LRRC8E: variants seen among roughly 807,000 people sequenced by gnomAD.
LRRC8E encodes leucine rich repeat containing 8 VRAC subunit E.
In LRRC8E, 6 loss-of-function variants were observed where a neutral mutation model predicts 6.1. The ratio of observed to expected loss-of-function variants is 0.98; its 90% CI spans 0.54 to 1.93. The LOEUF is 1.93. Ranked by LOEUF, LRRC8E falls within the 30% of genes most tolerant of loss-of-function variation. The pLI, the probability that LRRC8E is intolerant of heterozygous loss-of-function variation, is 0.01. For missense variants in LRRC8E, 1,028 were observed against 1,031.4 expected (o/e 1.00, Z 0.04); for synonymous variants, 485 against 472.8 (o/e 1.03, Z -0.33).
In LRRC8E at chr19:7,899,311, G is replaced by C. The variant is rs754821697; in HGVS notation, c.789G>C (p.Val263=). The C allele has an allele frequency of 6.3e-5, 102 of 1,614,128 alleles. No individual in the cohort carries two copies. The highest frequency in any genetic ancestry group is 8.5e-5 in the Non-Finnish European group (100 of 1,180,052). ...TMYIRQTVLK[V]CKFLAILVYN... ...ACATCCGACAGACGGTGCTGAAAGT[G>C]TGTAAGTTCCTGGCCATCCTGGTCT... Residue 263 remains valine (V), a synonymous_variant, in exon 3 of 3, where the codon GTG becomes GTC. Transcript: ENST00000306708.
rs764830656 is a variant in LRRC8E, at chr19:7,899,360, A to T, written c.838A>T (p.Ile280Phe). 1 of 1,614,082 alleles carries T rather than the reference A, an allele frequency of 6.2e-7. No homozygotes were observed. ...CTACAACCTGGTCTATGTGGAGAAG[A>T]TCAGTTTCCTGGTGGCCTGTAGGGT... Reference protein sequence around the residue: ...LVYNLVYVEKISFLVACRVET... With the variant: ...LVYNLVYVEKFSFLVACRVET... Residue 280 changes from isoleucine to phenylalanine, a missense_variant, in exon 3 of 3, where the codon ATC becomes TTC. Transcript: ENST00000306708.
At chr19:7,891,488 C>G (rs979548413) in intron 1 of LRRC8E, among the ~76,000 whole-genome samples, 6 of 151,472 alleles carry the variant, frequency 4.0e-5, no homozygotes, top group Non-Finnish European at 7.4e-5. Context: ...GGAGCTTACA[C>G]CAGGGTGGCA....
In LRRC8E at chr19:7,900,213, G is replaced by C; in HGVS notation, c.1691G>C (p.Ser564Thr). The change falls in exon 3 of 3, where the codon AGC becomes ACC. Residue 564 changes from serine to threonine, a missense_variant. By Grantham distance (58) the Ser-to-Thr change is moderately conservative. Coordinates refer to ENST00000306708, the MANE Select transcript of LRRC8E (RefSeq NM_025061.6). This position sits in a 1 kb window ranked among gnomAD's most constrained non-coding sequence, Gnocchi z 5.0. ...TDVAGHLQRLSLHNDGARLVA... is the reference protein window; with the variant it reads ...TDVAGHLQRLTLHNDGARLVA... ...GTTGCTGGCCACCTGCAGAGGCTCAGCCTGCACAACGATGGGGCCCGTCTG... is the reference window on the plus strand; with the variant it reads ...GTTGCTGGCCACCTGCAGAGGCTCACCCTGCACAACGATGGGGCCCGTCTG... 3 of 1,613,196 alleles carry C rather than the reference G, an allele frequency of 1.9e-6. No individual in the cohort carries two copies. In the South Asian group the frequency reaches 3.3e-5, roughly 18 times the overall value.
Position 7,895,536 on chromosome 19 carries a change from C to G in LRRC8E, c.-5-63C>G. The G allele has an allele frequency of 6.3e-7, 1 of 1,577,534 alleles. No individual in the cohort carries two copies. The highest frequency in any genetic ancestry group is 8.7e-7 in the Non-Finnish European group (1 of 1,152,248). On this transcript the variant is annotated intron_variant, in intron 1 of 2. Transcript: ENST00000306708. The surrounding 1 kb of genome is among the most constrained non-coding windows in gnomAD (Gnocchi z 4.7). ...CCTGTGTCCGGCTCCTCGGAGGACC[C>G]CCTGCAGAGCCTCCCATCCTGAGGG...
At position 7,898,689 on chromosome 19, in the gene LRRC8E, C is replaced by T. The variant is rs1429107872; in HGVS notation, c.167C>T (p.Pro56Leu). The T allele has an allele frequency of 1.2e-6, 2 of 1,611,578 alleles. No individual in the cohort carries two copies. Among genetic ancestry groups the T allele is most frequent in the Non-Finnish European group, 1.7e-6 (2 of 1,178,416 alleles). Residue 56 changes from proline to leucine, a missense_variant, in exon 3 of 3, where the codon CCC becomes CTC. Transcript: ENST00000306708. ...ACACAGGACAAGATCATCTGTCTAC[C>T]CAATCATGAGCTCCAGGAGAACTTA... ...QVTQDKIICL[P>L]NHELQENLSE...
At position 7,895,536 on chromosome 19, in the gene LRRC8E, C is replaced by T; in HGVS notation, c.-5-63C>T. 3.8e-6 allele frequency: 6 copies of T among 1,577,534 alleles called. No homozygotes were observed. Among genetic ancestry groups the T allele is most frequent in the South Asian group, 2.3e-5 (2 of 88,426 alleles). On this transcript the variant is annotated intron_variant, in intron 1 of 2. Coordinates refer to ENST00000306708, the MANE Select transcript of LRRC8E (RefSeq NM_025061.6). The surrounding 1 kb of genome is among the most constrained non-coding windows in gnomAD (Gnocchi z 4.7). The stretch of plus-strand genomic sequence containing the variant: ...CCTGTGTCCGGCTCCTCGGAGGACC[C>T]CCTGCAGAGCCTCCCATCCTGAGGG...
chr19:7,898,559 A>G, intron 2 of LRRC8E, 102 bp from the exon 3 acceptor site: 1 of 1,004,608 alleles, frequency 1.0e-6, no homozygotes, highest in Non-Finnish European at 1.5e-6. Flanking sequence ...GGGTTTCACC[A>G]CGTTGGCCAG....
chr19:7,900,754 C>A lies in LRRC8E; in HGVS notation c.2232C>A (p.Leu744=). The change falls in exon 3 of 3, where the codon CTC becomes CTA. Residue 744 remains leucine (L), a synonymous_variant. Coordinates refer to ENST00000306708, the MANE Select transcript of LRRC8E (RefSeq NM_025061.6). This position sits in a 1 kb window ranked among gnomAD's most constrained non-coding sequence, Gnocchi z 5.0. ...AGCTCTCGCCCCACGTGGGTGCCCT[C>A]AGAGCCCTCAGCCGCCTGGAGCTCA... ...LSQLSPHVGA[L]RALSRLELKG... is the part of the protein sequence containing the mutation. 1 of 1,611,778 alleles carries A rather than the reference C, an allele frequency of 6.2e-7. No individual in the cohort carries two copies. Among genetic ancestry groups the A allele is most frequent in the Non-Finnish European group, 8.5e-7 (1 of 1,179,012 alleles).
Position 7,900,665 on chromosome 19 carries a change from C to T in LRRC8E, c.2143C>T (p.Pro715Ser), listed in dbSNP as rs1486524127. 1.2e-6 allele frequency: 2 copies of T among 1,613,438 alleles called. No individual in the cohort carries two copies. Among genetic ancestry groups the T allele is most frequent in the Non-Finnish European group, 1.7e-6 (2 of 1,180,030 alleles). The change falls in exon 3 of 3, where the codon CCC becomes TCC. Residue 715 changes from proline (P) to serine (S), a missense_variant. By Grantham distance (74) the Pro-to-Ser change is moderately conservative. Coordinates refer to ENST00000306708, the MANE Select transcript of LRRC8E (RefSeq NM_025061.6). The surrounding 1 kb of genome is among the most constrained non-coding windows in gnomAD (Gnocchi z 5.0). ...ALSYNALEAL[P>S]EELFFCRKLR... is the part of the protein sequence containing the mutation. ...CTCCTACAATGCCCTGGAGGCCCTG[C>T]CCGAAGAGCTCTTCTTCTGCCGCAA...
rs761550923 is a variant in LRRC8E at position 7,898,745 on chromosome 19, C to A, written c.223C>A (p.Arg75=). 1.2e-5 allele frequency: 19 copies of A among 1,614,052 alleles called. No individual in the cohort carries two copies. In the South Asian group the frequency reaches 2.1e-4, roughly 18 times the overall value. ...GGCCCCGTGCCAGCAATTGCTGCCT[C>A]GGGGGATCCCTGAGCAGATTGGGGC... is the stretch of plus-strand genomic sequence containing the variant. ...SEAPCQQLLP[R]GIPEQIGALQ... The change falls in exon 3 of 3, where the codon CGG becomes AGG. Residue 75 remains arginine, a synonymous_variant. Transcript: ENST00000306708.
chr19:7,897,232 C>T (rs1054460113), intron 2 of LRRC8E, among the ~76,000 whole-genome samples: 5 of 150,374 alleles, frequency 3.3e-5, no homozygotes, highest in Non-Finnish European at 5.9e-5. Flanking sequence ...TGCAGTGGTG[C>T]GATCTCGGCT....
chr19:7,900,861 C>T lies in LRRC8E; in HGVS notation c.2339C>T (p.Thr780Met), dbSNP rs377684789. The change falls in exon 3 of 3, where the codon ACG (threonine) becomes ATG (methionine). Residue 780 changes from threonine to methionine, a missense_variant. Thr to Met is a moderately conservative substitution (Grantham distance 81, BLOSUM62 -1). Coordinates refer to ENST00000306708, the MANE Select transcript of LRRC8E (RefSeq NM_025061.6). The surrounding 1 kb of genome is among the most constrained non-coding windows in gnomAD (Gnocchi z 5.0). The stretch of plus-strand genomic sequence containing the variant: ...AAGGCGGGGCTCCTGGTGGAAGACA[C>T]GCTTTACCAGGGTCTGCCGGCAGAA... ...LKKAGLLVED[T>M]LYQGLPAEVR... 2.6e-5 allele frequency: 40 copies of T among 1,545,894 alleles called. 1 individual carries two copies. In the South Asian group the frequency reaches 4.6e-4, roughly 18 times the overall value.
Position 7,899,740 on chromosome 19 carries a change from G to A in LRRC8E, c.1218G>A (p.Lys406=). Residue 406 remains lysine (K), a synonymous_variant, in exon 3 of 3, where the codon AAG becomes AAA. Coordinates refer to ENST00000306708, the MANE Select transcript of LRRC8E (RefSeq NM_025061.6). ...LNLNHEWTPE[K]LRQKLQRNAA... The stretch of plus-strand genomic sequence containing the variant: ...TCAACCACGAGTGGACGCCCGAGAA[G>A]CTTCGACAGAAGCTGCAGCGCAATG... The A allele has an allele frequency of 2.5e-6, 4 of 1,612,188 alleles. No individual in the cohort carries two copies. The highest frequency in any genetic ancestry group is 3.4e-6 in the Non-Finnish European group (4 of 1,179,836).
In LRRC8E at chr19:7,898,959, T is replaced by C. The variant is rs1034652545; in HGVS notation, c.437T>C (p.Ile146Thr). Residue 146 changes from isoleucine (I) to threonine (T), a missense_variant, in exon 3 of 3, where the codon ATT becomes ACT. By Grantham distance (89) the Ile-to-Thr change is moderately conservative. Transcript: ENST00000306708. ...AAGTTCCCTGGCACCAGCTCCAAGA[T>C]TGAACACTTCATCTCCATCCTGGGC... ...WFKFPGTSSK[I>T]EHFISILGKC... 8 of 1,614,074 alleles carry C rather than the reference T, an allele frequency of 5.0e-6. No individual in the cohort carries two copies. Among genetic ancestry groups the C allele is most frequent in the African/African-American group, 2.7e-5 (2 of 74,938 alleles).
Position 7,900,078 on chromosome 19 carries a change from C to A in LRRC8E, c.1556C>A (p.Pro519His), listed in dbSNP as rs1274906659. 3 of 1,612,012 alleles carry A rather than the reference C, an allele frequency of 1.9e-6. No individual in the cohort carries two copies. The highest frequency in any genetic ancestry group is 2.5e-6 in the Non-Finnish European group (3 of 1,179,836). ...GAGCTGCACCTGGAGGGGCTTTTCC[C>A]CCAGGAGCTAGCTCGGGCAGCCACC... ...LEELHLEGLF[P>H]QELARAATLE... The change falls in exon 3 of 3, where the codon CCC becomes CAC. Residue 519 changes from proline to histidine, a missense_variant. Transcript: ENST00000306708. This position sits in a 1 kb window ranked among gnomAD's most constrained non-coding sequence, Gnocchi z 5.0.
intron 2 of LRRC8E, among the ~76,000 whole-genome samples, chr19:7,896,083 G>A (rs575382909): frequency 2.3e-4 from 35 of 151,572 alleles, no homozygotes; most frequent in East Asian, 2.0e-4. Flanking sequence ...GATTACAGGC[G>A]CCCACCACCA....
intron 1 of LRRC8E, among the ~76,000 whole-genome samples, chr19:7,890,991 C>T (rs1981278074): frequency 6.6e-6 from 1 of 152,176 alleles, no homozygotes; most frequent in Non-Finnish European, 1.5e-5. Flanking sequence ...GCCACCGTGC[C>T]TGGCAAGATG....
chr19:7,897,208 C>T (rs1245690953), intron 2 of LRRC8E, among the ~76,000 whole-genome samples: 6 of 149,326 alleles, frequency 4.0e-5, no homozygotes, highest in East Asian at 2.0e-4. Context: ...CTCCCTCTGT[C>T]GCCCAGGCTG....
rs201755986 is a variant in LRRC8E, at chr19:7,900,635, G to C, written c.2113G>C (p.Ala705Pro). The C allele has an allele frequency of 3.1e-6, 5 of 1,613,234 alleles. No homozygotes were observed. Among genetic ancestry groups the C allele is most frequent in the East Asian group, 2.2e-5 (1 of 44,882 alleles). The change falls in exon 3 of 3, where the codon GCC becomes CCC. Residue 705 changes from alanine to proline, a missense_variant. By Grantham distance (27) the Ala-to-Pro change is conservative (BLOSUM62 -1). Coordinates refer to ENST00000306708, the MANE Select transcript of LRRC8E (RefSeq NM_025061.6). This position sits in a 1 kb window ranked among gnomAD's most constrained non-coding sequence, Gnocchi z 5.0. ...CCTCCTGCAGAACCTACAGCACCTG[G>C]CCCTCTCCTACAATGCCCTGGAGGC... Reference protein sequence around the residue: ...VGLLQNLQHLALSYNALEALP... With the variant: ...VGLLQNLQHLPLSYNALEALP...
Sources: gnomAD v4.1 joint callset for allele counts (sites outside exome capture counted in the v4.1 genomes callset) on GRCh38, gnomAD v4.1.1 for gene constraint, Gnocchi (gnomAD v3.1) non-coding constraint, MANE v1.5 for transcripts, NCBI Gene and HGNC (gene_info 2026-07-23, HGNC 2026-07-21) for gene names.